Variants in SESTD1 observed in about 807,000 individuals in gnomAD.
SESTD1 encodes SEC14 and spectrin domain containing 1, also known as SEC14 domain and spectrin repeat-containing protein 1.
A neutral mutation model predicts 101.7 loss-of-function variants in SESTD1; 43 were observed. That is an observed-to-expected ratio of 0.42 (90% CI 0.33 to 0.55). SESTD1 has a LOEUF of 0.55. SESTD1 is among the 20% of genes least tolerant of loss of function. The pLI, the probability that SESTD1 is intolerant of heterozygous loss-of-function variation, is 0.07. For missense variants in SESTD1, 647 were observed against 815.1 expected (o/e 0.79, Z 2.51); for synonymous variants, 283 against 286.8 (o/e 0.99, Z 0.13).
chr2:179,178,350 G>T (rs916930927), intron 3 of SESTD1, among the ~76,000 whole-genome samples: 3 of 152,166 alleles, frequency 2.0e-5, no homozygotes, highest in African/African-American at 4.8e-5. Flanking sequence ...TGCAGAGGGG[G>T]CTAGGCGTGG....
At chr2:179,204,606 G>GA (rs972649347) in intron 1 of SESTD1, among the ~76,000 whole-genome samples, 1 of 134,396 alleles carries the variant, frequency 7.4e-6, no homozygotes, top group Non-Finnish European at 1.6e-5. Flanking sequence ...TGCAGTCCTT[G>GA]AGCTTAGCCA....
intron 8 of SESTD1, among the ~76,000 whole-genome samples, chr2:179,144,752 T>C (rs1281244098): frequency 1.3e-5 from 2 of 152,056 alleles, no homozygotes; most frequent in African/African-American, 4.8e-5. Flanking sequence ...TTCTAAACCT[T>C]TTTGTTTTAT....
chr2:179,184,895 TA>T (rs1048513743), intron 2 of SESTD1, among the ~76,000 whole-genome samples: 51 of 152,100 alleles, frequency 3.4e-4, no homozygotes, highest in African/African-American at 9.2e-4. Context: ...TCAGGGACAA[TA>T]AAATAATCAC....
rs1474012530 is a variant in SESTD1 at position 179,107,769 on chromosome 2, A to G, written c.*2130T>C. On this transcript the variant is annotated 3_prime_UTR_variant, in exon 18 of 18. Coordinates refer to ENST00000428443, the MANE Select transcript of SESTD1 (RefSeq NM_178123.5). ...CATGAGCAAGACTGGGAATAGGAGA[A>G]GACAAGATTCCTTCCCTCAAAAGAG... The G allele has an allele frequency of 6.6e-6, 1 of 152,232 alleles. No individual in the cohort carries two copies. Among genetic ancestry groups the G allele is most frequent in the Non-Finnish European group, 1.5e-5 (1 of 68,042 alleles). The allele number at this position is 152,232 out of a possible 1,614,324, so 9.4% of individuals were successfully genotyped here.
intron 1 of SESTD1, among the ~76,000 whole-genome samples, chr2:179,259,697 T>C (rs761304954): frequency 6.6e-6 from 1 of 152,036 alleles, no homozygotes; most frequent in African/African-American, 2.4e-5. Context: ...ACTCAACATC[T>C]CAGGTTTGTC....
intron 1 of SESTD1, among the ~76,000 whole-genome samples, chr2:179,196,045 C>T (rs1022917545): frequency 7.9e-5 from 12 of 152,086 alleles, no homozygotes; most frequent in East Asian, 5.8e-4. Flanking sequence ...TCTGAGGTAC[C>T]GGGTTCATCT....
At chr2:179,136,451 C>T (rs370297903) in intron 9 of SESTD1, among the ~76,000 whole-genome samples, 7 of 152,120 alleles carry the variant, frequency 4.6e-5, no homozygotes, top group Admixed American at 4.6e-4. Flanking sequence ...ATAAAAAGAA[C>T]GAGTTTTAAG....
intron 4 of SESTD1, among the ~76,000 whole-genome samples, chr2:179,173,452 T>A (rs1244125726): frequency 6.6e-6 from 1 of 152,218 alleles, no homozygotes; most frequent in Non-Finnish European, 1.5e-5. Context: ...CCAGTGTTTA[T>A]GACAAATATC....
At chr2:179,137,258 T>C (rs953792332) in intron 9 of SESTD1, among the ~76,000 whole-genome samples, 1 of 152,214 alleles carries the variant, frequency 6.6e-6, no homozygotes, top group African/African-American at 2.4e-5. Context: ...CCAAAAATGC[T>C]TGTGACTATC....
At chr2:179,229,749 T>TTATATATATATATATA (rs71023472) in intron 1 of SESTD1, among the ~76,000 whole-genome samples, 1,998 of 106,048 alleles carry the variant, frequency 0.019, 40 homozygotes, top group Non-Finnish European at 0.024. Context: ...TTGTAAGAAC[T>TTATATATATATATATA]TATATATATA....
intron 1 of SESTD1, among the ~76,000 whole-genome samples, chr2:179,240,129 C>G (rs1457630753): frequency 2.0e-5 from 3 of 152,014 alleles, no homozygotes; most frequent in African/African-American, 7.3e-5. Context: ...AACGCAGAAT[C>G]CTATAGAATA....
chr2:179,205,614 C>T (rs1235650640), intron 1 of SESTD1, among the ~76,000 whole-genome samples: 1 of 134,954 alleles, frequency 7.4e-6, no homozygotes, highest in Non-Finnish European at 1.6e-5. Context: ...TACACAACCA[C>T]TTTAGCATGG....
intron 7 of SESTD1, among the ~76,000 whole-genome samples, chr2:179,147,448 G>A (rs369717434): frequency 4.0e-5 from 6 of 149,822 alleles, no homozygotes; most frequent in Non-Finnish European, 7.4e-5. Context: ...TACAACCTCC[G>A]CCTCCCAGGC....
chr2:179,222,276 G>A (rs570069055), intron 1 of SESTD1, among the ~76,000 whole-genome samples: 9 of 152,222 alleles, frequency 5.9e-5, no homozygotes, highest in South Asian at 2.1e-4. Context: ...TGTGACTCCC[G>A]GCCAGCCACT....
rs573588248 is a variant in SESTD1 at position 179,121,223 on chromosome 2, C to A, written c.1442+547G>T. ...ATTGTGTATATTGCATAATTTTAAT[C>A]CTTTACTTTGCAATACTTTGTAGTT... On this transcript the variant is annotated intron_variant, in intron 13 of 17. Coordinates refer to ENST00000428443, the MANE Select transcript of SESTD1 (RefSeq NM_178123.5). Among the ~76,000 whole-genome samples, 4 of 152,224 alleles carry A rather than the reference C, an allele frequency of 2.6e-5. No homozygotes were observed. In the South Asian group the frequency reaches 8.3e-4, roughly 32 times the overall value.
rs766650411 is a variant in SESTD1, at chr2:179,149,268, G to C, written c.581+29C>G. On this transcript the variant is annotated intron_variant, in intron 7 of 17. Transcript: ENST00000428443. ...ATCAGAATAATTATAGTTTTGCAAG[G>C]ATATAATTGCATGCCACTAGCCACC... is the stretch of plus-strand genomic sequence containing the variant. 2.0e-6 allele frequency: 3 copies of C among 1,466,180 alleles called. No individual in the cohort carries two copies. In the Admixed American group the frequency reaches 5.4e-5, roughly 26 times the overall value. The allele number at this position is 1,466,180 out of a possible 1,614,324, so 90.8% of individuals were successfully genotyped here.
chr2:179,238,567 T>C (rs2047103150), intron 1 of SESTD1, among the ~76,000 whole-genome samples: 1 of 152,190 alleles, frequency 6.6e-6, no homozygotes, highest in Non-Finnish European at 1.5e-5. Context: ...TCAGCCCCTT[T>C]GAAGTAGTCC....
At chr2:179,156,087 GAGT>G (rs923474703) in intron 5 of SESTD1, among the ~76,000 whole-genome samples, 36 of 151,928 alleles carry the variant, frequency 2.4e-4, no homozygotes, top group African/African-American at 8.0e-4. Flanking sequence ...TTTTATGGCT[GAGT>G]AGTATTCCAT....
At chr2:179,116,583 C>T in intron 15 of SESTD1, 85 bp downstream of exon 15, 4 of 1,591,030 alleles carry the variant, frequency 2.5e-6, no homozygotes, top group Non-Finnish European at 3.4e-6. Flanking sequence ...CCTTCTTGTA[C>T]TTGGAAGGTA....
Sources: allele counts gnomAD v4.1 joint callset (sites outside exome capture counted in the v4.1 genomes callset), GRCh38; gene constraint gnomAD v4.1.1; transcripts MANE v1.5; gene names NCBI Gene and HGNC (gene_info 2026-07-23, HGNC 2026-07-21).